The following NAALADL2 variants were observed in gnomAD, a reference collection of about 807,000 sequenced individuals.
The protein encoded by NAALADL2 is inactive N-acetylated-alpha-linked acidic dipeptidase-like protein 2.
Under a neutral mutation model 87.2 loss-of-function variants are expected in NAALADL2, and 76 were observed. The ratio of observed to expected loss-of-function variants is 0.87; its 90% CI spans 0.72 to 1.05. NAALADL2 has a LOEUF of 1.05. NAALADL2 is among the 50% of genes least tolerant of loss of function. NAALADL2 has a pLI of 0.00. For synonymous variants in NAALADL2, 354 were observed against 331.0 expected (o/e 1.07, Z -0.75); for missense variants, 1,089 against 945.8 (o/e 1.15, Z -1.99).
At chr3:174,786,652 G>T (rs1379446019) in intron 3 of NAALADL2, among the ~76,000 whole-genome samples, 1 of 151,868 alleles carries the variant, frequency 6.6e-6, no homozygotes, top group Non-Finnish European at 1.5e-5. Flanking sequence ...TAATGGATAA[G>T]GAATTTAGAG....
At chr3:174,903,598 T>G (rs1732563053) in intron 1 of NAALADL2, among the ~76,000 whole-genome samples, 3 of 151,606 alleles carry the variant, frequency 2.0e-5, no homozygotes, top group Admixed American at 2.0e-4. Flanking sequence ...AAAATTAAGT[T>G]ACATAATTAC....
chr3:174,641,514 C>T (rs1723184932), intron 2 of NAALADL2, among the ~76,000 whole-genome samples: 1 of 152,068 alleles, frequency 6.6e-6, no homozygotes, highest in Non-Finnish European at 1.5e-5. Flanking sequence ...GGACACACAC[C>T]GTGTTAACGA....
intron 2 of NAALADL2, among the ~76,000 whole-genome samples, chr3:174,624,423 A>AT (rs1014670101): frequency 2.6e-5 from 4 of 152,128 alleles, no homozygotes; most frequent in African/African-American, 9.7e-5. Context: ...TAGGAGTTCA[A>AT]TTCCAGCCTG....
intron 1 of NAALADL2, among the ~76,000 whole-genome samples, chr3:174,447,151 A>T (rs1285472713): frequency 1.3e-5 from 2 of 152,342 alleles, no homozygotes; most frequent in African/African-American, 4.8e-5. Context: ...TACAGGAGTT[A>T]CATAATTCCT....
intron 1 of NAALADL2, among the ~76,000 whole-genome samples, chr3:174,955,977 T>G (rs764011621): frequency 1.3e-5 from 2 of 152,040 alleles, no homozygotes; most frequent in Non-Finnish European, 2.9e-5. Context: ...TTGGTTTAAA[T>G]ACTCTCTTTT....
chr3:174,711,990 G>T (rs536628861), intron 2 of NAALADL2, among the ~76,000 whole-genome samples: 9 of 152,026 alleles, frequency 5.9e-5, no homozygotes, highest in African/African-American at 1.4e-4. Context: ...GTAGAGACGG[G>T]GTTTCACAGG....
At chr3:174,699,219 C>T (rs766312268) in intron 2 of NAALADL2, among the ~76,000 whole-genome samples, 5 of 152,022 alleles carry the variant, frequency 3.3e-5, no homozygotes, top group Non-Finnish European at 5.9e-5. Flanking sequence ...GGTGGTGGGC[C>T]GGGCACAGTG....
intron 2 of NAALADL2, among the ~76,000 whole-genome samples, chr3:174,600,739 T>C (rs1718367857): frequency 6.6e-6 from 1 of 152,092 alleles, no homozygotes; most frequent in African/African-American, 2.4e-5. Context: ...AGGCATGTCT[T>C]ACATGGCTGG....
chr3:175,305,506 T>A (rs1029385448), intron 4 of NAALADL2, among the ~76,000 whole-genome samples: 1 of 152,068 alleles, frequency 6.6e-6, no homozygotes, highest in Non-Finnish European at 1.5e-5. Flanking sequence ...TATGGCACAT[T>A]CTTTATCTTT....
At chr3:175,715,910 C>T (rs1035885039) in intron 11 of NAALADL2, among the ~76,000 whole-genome samples, 1 of 151,334 alleles carries the variant, frequency 6.6e-6, no homozygotes, top group Non-Finnish European at 1.5e-5. Context: ...AAAGATGGAC[C>T]CTTAAATGTT....
At chr3:174,909,350 G>C (rs1489912620) in intron 1 of NAALADL2, among the ~76,000 whole-genome samples, 2 of 152,096 alleles carry the variant, frequency 1.3e-5, no homozygotes, top group Non-Finnish European at 2.9e-5. Context: ...AGCCAAGACA[G>C]TGCCATTGCA....
Position 175,361,184 on chromosome 3 carries a change from G to A in NAALADL2, c.1090+36859G>A, listed in dbSNP as rs867902997. Among the ~76,000 whole-genome samples the A allele has an allele frequency of 2.3e-3, 356 of 151,972 alleles. 4 individuals carry two copies. Among genetic ancestry groups the A allele is most frequent in the East Asian group, 4.3e-3 (22 of 5,162 alleles). On this transcript the variant is annotated intron_variant, in intron 5 of 13. Coordinates refer to ENST00000454872, the MANE Select transcript of NAALADL2 (RefSeq NM_207015.3). ...TTTTCCAGTTCATCCATGTCCCTAC[G>A]AAGGACATGAACTCATCCTTTTTAT...
intron 9 of NAALADL2, among the ~76,000 whole-genome samples, chr3:175,522,005 A>C (rs1181739520): frequency 1.3e-5 from 2 of 152,120 alleles, no homozygotes; most frequent in Admixed American, 1.3e-4. Flanking sequence ...TTAACTAAGA[A>C]ACCAAGTCAT....
intron 5 of NAALADL2, among the ~76,000 whole-genome samples, chr3:175,343,653 A>ATTTTTTTTTTTT (rs1581504166): frequency 1.9e-5 from 1 of 52,282 alleles, no homozygotes; most frequent in African/African-American, 6.8e-5. Context: ...TGTCTTGATC[A>ATTTTTTTTTTTT]TGTTTTTTTT....
intron 11 of NAALADL2, among the ~76,000 whole-genome samples, chr3:175,634,681 G>A (rs147423175): frequency 4.4e-4 from 67 of 151,954 alleles, no homozygotes; most frequent in African/African-American, 1.4e-3. Flanking sequence ...TGTCTTCTAG[G>A]TATCTCTAAT....
chr3:174,476,542 A>G (rs12629230), intron 1 of NAALADL2, among the ~76,000 whole-genome samples: 40,808 of 151,664 alleles, frequency 0.27, 5,943 homozygotes, highest in South Asian at 0.45. Context: ...TGGCTTATTC[A>G]TTTTTGCACT....
rs757550862 is a variant in NAALADL2, at chr3:174,895,304, G to A, written c.43+35854G>A. On this transcript the variant is annotated intron_variant, in intron 1 of 13. Coordinates refer to ENST00000454872, the MANE Select transcript of NAALADL2 (RefSeq NM_207015.3). Reference sequence around the variant, plus strand: ...TTTTAGCCAGATTAAGAAAAACAGAGAGAAGATCTAAAAAAAGTAAAAATA... The same window carrying A: ...TTTTAGCCAGATTAAGAAAAACAGAAAGAAGATCTAAAAAAAGTAAAAATA... Among the ~76,000 whole-genome samples the A allele has an allele frequency of 1.2e-3, 152 of 126,310 alleles. No homozygotes were observed. In the Middle Eastern group the frequency reaches 0.034, roughly 28 times the overall value. The allele number at this position is 126,310 out of a possible 152,430, so 82.9% of individuals were successfully genotyped here.
intron 11 of NAALADL2, among the ~76,000 whole-genome samples, chr3:175,628,323 G>T (rs1301583516): frequency 1.3e-5 from 2 of 151,768 alleles, no homozygotes; most frequent in Admixed American, 1.3e-4. Context: ...AAGATGTTCA[G>T]TAGGTTATTT....
intron 2 of NAALADL2, among the ~76,000 whole-genome samples, chr3:174,661,540 GCTT>G (rs946627024): frequency 1.3e-4 from 19 of 149,224 alleles, no homozygotes; most frequent in South Asian, 2.1e-4. Context: ...TGACACTGAT[GCTT>G]CTTCTTCTTC....
Sources: gnomAD v4.1 joint callset for allele counts (sites outside exome capture counted in the v4.1 genomes callset) on GRCh38, gnomAD v4.1.1 for gene constraint, MANE v1.5 for transcripts, NCBI Gene and HGNC (gene_info 2026-07-23, HGNC 2026-07-21) for gene names.